Variants in ANOS1 observed in about 807,000 individuals in gnomAD.
The protein encoded by ANOS1 is anosmin-1.
In ANOS1, 6 loss-of-function variants were observed where a neutral mutation model predicts 59.0. The observed-to-expected ratio is 0.10, with a 90% CI of 0.06 to 0.20. The LOEUF (loss-of-function observed/expected upper bound fraction) is 0.20, where lower values mean the gene tolerates loss of function less well. Among genes scored for constraint, ANOS1 ranks in the 10% least tolerant of loss-of-function variants. The pLI is 1.00. For synonymous variants in ANOS1, 217 were observed against 223.4 expected (o/e 0.97, Z 0.25); for missense variants, 433 against 542.3 (o/e 0.80, Z 2.00).
At position 8,544,574 on chromosome X, in the gene ANOS1, T is replaced by C. The variant is rs541497492; in HGVS notation, c.1355-4816A>G. ...AATAGAAGCATGAATGTTTCCTCTA[T>C]GTCTGAGCTAACTTTTCACATTTAC... On this transcript the variant is annotated intron_variant, in intron 9 of 13. Coordinates refer to ENST00000262648, the MANE Select transcript of ANOS1 (RefSeq NM_000216.4). Among the ~76,000 whole-genome samples, 12 of 106,232 alleles carry C rather than the reference T, an allele frequency of 1.1e-4. No homozygotes were observed. The South Asian group carries it at 5.2e-3, about 46-fold the overall frequency. 92.2% of individuals were successfully genotyped at this position (106,232 alleles called of 115,157 possible).
chrX:8,683,026 G>A (rs1932450164), intron 2 of ANOS1, among the ~76,000 whole-genome samples: 1 of 111,099 alleles, frequency 9.0e-6, no homozygotes, highest in African/African-American at 3.3e-5. Flanking sequence ...ATCTGCATTT[G>A]AGCAAGCCCG....
At chrX:8,593,936 G>A (rs1930664092) in intron 4 of ANOS1, among the ~76,000 whole-genome samples, 2 of 111,570 alleles carry the variant, frequency 1.8e-5, no homozygotes, top group African/African-American at 6.5e-5. Flanking sequence ...GGATTAAAGG[G>A]GTGAGCCACT....
chrX:8,657,120 T>A (rs1047463235), intron 2 of ANOS1, among the ~76,000 whole-genome samples: 1 of 112,739 alleles, frequency 8.9e-6, no homozygotes, highest in Non-Finnish European at 1.9e-5. Context: ...CGATCAATCA[T>A]GCCTACGGCA....
intron 5 of ANOS1, among the ~76,000 whole-genome samples, chrX:8,585,829 T>C (rs1189451504): frequency 8.9e-6 from 1 of 111,945 alleles, no homozygotes; most frequent in African/African-American, 3.2e-5. Context: ...TGCAACCCAC[T>C]AGCAATTTCT....
chrX:8,545,483 A>C (rs147517830), intron 9 of ANOS1, among the ~76,000 whole-genome samples: 1,475 of 111,164 alleles, frequency 0.013, 28 homozygotes, highest in African/African-American at 0.045. Flanking sequence ...GTAAAAATGA[A>C]CTAATATCAA....
At chrX:8,721,403 T>G (rs1932873886) in intron 1 of ANOS1, among the ~76,000 whole-genome samples, 1 of 112,228 alleles carries the variant, frequency 8.9e-6, no homozygotes, top group African/African-American at 3.2e-5. Flanking sequence ...TTTTCTTATC[T>G]GTAAAGAAAA....
At chrX:8,728,518 T>G (rs781282546) in intron 1 of ANOS1, among the ~76,000 whole-genome samples, 6 of 111,551 alleles carry the variant, frequency 5.4e-5, no homozygotes, top group Admixed American at 1.9e-4. Context: ...AGAGCCTGGG[T>G]GTAGAGCAGG....
chrX:8,702,365 T>C (rs371348023), intron 1 of ANOS1, among the ~76,000 whole-genome samples: 1 of 111,874 alleles, frequency 8.9e-6, no homozygotes, highest in South Asian at 3.7e-4. Flanking sequence ...TGAAATTTTA[T>C]AAAGGGAGCC....
chrX:8,697,401 T>C (rs924431205), intron 2 of ANOS1, among the ~76,000 whole-genome samples: 26 of 111,265 alleles, frequency 2.3e-4, no homozygotes, highest in African/African-American at 8.5e-4. Flanking sequence ...TGATGCCACT[T>C]ATATGTTTGA....
chrX:8,619,897 G>C (rs1601984504), intron 3 of ANOS1, among the ~76,000 whole-genome samples: 1 of 112,352 alleles, frequency 8.9e-6, no homozygotes, highest in East Asian at 2.8e-4. Flanking sequence ...TAAATGGTAA[G>C]ATGAGTTTTG....
intron 2 of ANOS1, among the ~76,000 whole-genome samples, chrX:8,635,100 C>T (rs1931551185): frequency 9.0e-6 from 1 of 110,741 alleles, no homozygotes; most frequent in Non-Finnish European, 1.9e-5. Context: ...TGTAAGGATC[C>T]CAATTGTCCT....
intron 2 of ANOS1, among the ~76,000 whole-genome samples, chrX:8,686,170 A>G (rs1387904826): frequency 8.9e-6 from 1 of 112,465 alleles, no homozygotes; most frequent in African/African-American, 3.2e-5. Context: ...TTTGGTATGA[A>G]TATAGATGTC....
At chrX:8,667,424 T>G (rs1932165666) in intron 2 of ANOS1, among the ~76,000 whole-genome samples, 1 of 110,880 alleles carries the variant, frequency 9.0e-6, no homozygotes, top group African/African-American at 3.3e-5. Flanking sequence ...GCCTCCAGAG[T>G]ACCCGGAATT....
intron 3 of ANOS1, among the ~76,000 whole-genome samples, chrX:8,610,225 T>C (rs374780679): frequency 1.1e-4 from 12 of 110,697 alleles, no homozygotes; most frequent in African/African-American, 3.6e-4. Context: ...GTTTTATTTT[T>C]GGCTTTTGAT....
intron 7 of ANOS1, among the ~76,000 whole-genome samples, chrX:8,569,458 T>A (rs188287402): frequency 1.8e-5 from 2 of 111,313 alleles, no homozygotes; most frequent in African/African-American, 3.3e-5. Context: ...CTGGCTAACA[T>A]GGTGAAACCC....
intron 2 of ANOS1, among the ~76,000 whole-genome samples, chrX:8,687,593 A>AAC (rs58384646): frequency 0.3 from 29,022 of 95,381 alleles, 3,702 homozygotes; most frequent in East Asian, 0.49. Flanking sequence ...TAATCCAGTA[A>AAC]ACACACACAC....
At chrX:8,626,888 A>T (rs894891710) in intron 2 of ANOS1, among the ~76,000 whole-genome samples, 1 of 110,547 alleles carries the variant, frequency 9.0e-6, no homozygotes, top group Non-Finnish European at 1.9e-5. Flanking sequence ...AAAGAAAAAA[A>T]CTTATCCAAC....
At chrX:8,651,481 C>A (rs931550801) in intron 2 of ANOS1, among the ~76,000 whole-genome samples, 2 of 112,329 alleles carry the variant, frequency 1.8e-5, no homozygotes, top group Admixed American at 1.9e-4. Context: ...AAAGAGAAAT[C>A]CTTTTTCAAA....
In ANOS1 at chrX:8,529,487, TAAATA is replaced by T. The variant is rs745950802; in HGVS notation, c.*3503_*3507del. The T allele has an allele frequency of 8.9e-6, 1 of 112,186 alleles. No individual in the cohort carries two copies. Among genetic ancestry groups the T allele is most frequent in the East Asian group, 2.8e-4 (1 of 3,586 alleles). 9.2% of individuals were successfully genotyped at this position (112,186 alleles called of 1,213,427 possible). A position where few individuals can be genotyped will look rare whatever the true frequency, so the allele number is the denominator to read the frequency against. The stretch of plus-strand genomic sequence containing the variant: ...AAACCCACGGCATAAGAAAGGGCAT[TAAATA>T]AATAAGTCAAAATCACAAATGACAT... On this transcript the variant is annotated 3_prime_UTR_variant, in exon 14 of 14. Coordinates refer to ENST00000262648, the MANE Select transcript of ANOS1 (RefSeq NM_000216.4).
Sources: allele counts gnomAD v4.1 joint callset (sites outside exome capture counted in the v4.1 genomes callset), GRCh38; gene constraint gnomAD v4.1.1; transcripts MANE v1.5; gene names NCBI Gene and HGNC (gene_info 2026-07-23, HGNC 2026-07-21).